The following CNOT1 variants were observed in gnomAD, a reference collection of about 807,000 sequenced individuals.
CNOT1 encodes CCR4-associated factor 1.
Under a neutral mutation model 273.8 loss-of-function variants are expected in CNOT1, and 15 were observed. The ratio of observed to expected loss-of-function variants is 0.05; its 90% CI spans 0.04 to 0.08. The LOEUF (loss-of-function observed/expected upper bound fraction) is 0.08, where lower values mean the gene tolerates loss of function less well. Among genes scored for constraint, CNOT1 ranks in the 10% least tolerant of loss-of-function variants. The pLI is 1.00. For synonymous variants in CNOT1, 1,022 were observed against 1,005.5 expected (o/e 1.02, Z -0.31); for missense variants, 1,644 against 2,912.2 (o/e 0.56, Z 10.02).
In CNOT1 at chr16:58,621,893, GGAAA is replaced by G. The variant is rs761518461; in HGVS notation, c.-175+7831_-175+7834del. 2.5e-4 allele frequency among the ~76,000 whole-genome samples: 32 copies of G among 128,126 alleles called. No individual in the cohort carries two copies. In the East Asian group the frequency reaches 3.8e-3, roughly 15 times the overall value. The allele number at this position is 128,126 out of a possible 152,430, so 84.1% of individuals were successfully genotyped here. ...ACCACTGCACTCCAGCCTGGGCGAC[GGAAA>G]GAGACTCCGTCTCAAAAAAAAAAAA... is the stretch of plus-strand genomic sequence containing the variant. On this transcript the variant is annotated intron_variant, in intron 1 of 48. Transcript: ENST00000317147.
Position 58,553,797 on chromosome 16 carries a change from T to C in CNOT1, c.2955A>G (p.Pro985=), listed in dbSNP as rs1366330143. The change falls in exon 22 of 49, where the codon CCA becomes CCG. Residue 985 remains proline, a synonymous_variant. Coordinates refer to ENST00000317147, the MANE Select transcript of CNOT1 (RefSeq NM_016284.5). ...LASISHFMQF[P]HHLQEYIEYG... ...GGGCACTTACCTCCTGTAAATGATG[T>C]GGAAATTGCATAAAGTGACTGATAG... 6.2e-7 allele frequency: 1 copy of C among 1,611,870 alleles called. No individual in the cohort carries two copies. The highest frequency in any genetic ancestry group is 8.5e-7 in the Non-Finnish European group (1 of 1,179,434).
At chr16:58,589,220 A>G (rs763740635) in intron 2 of CNOT1, among the ~76,000 whole-genome samples, 10 of 152,118 alleles carry the variant, frequency 6.6e-5, no homozygotes, top group Middle Eastern at 3.2e-3. Context: ...ATATTATAAA[A>G]ATGTTTCCTG....
chr16:58,592,547 C>T (rs1332489865), intron 2 of CNOT1, among the ~76,000 whole-genome samples: 1 of 152,042 alleles, frequency 6.6e-6, no homozygotes, highest in Non-Finnish European at 1.5e-5. Context: ...CTGTGAACAG[C>T]CACTGCATTC....
At position 58,538,490 on chromosome 16, in the gene CNOT1, T is replaced by C. The variant is rs539391082; in HGVS notation, c.5136-224A>G. Among the ~76,000 whole-genome samples the C allele has an allele frequency of 3.9e-5, 6 of 152,348 alleles. No individual in the cohort carries two copies. In the South Asian group the frequency reaches 6.2e-4, roughly 16 times the overall value. On this transcript the variant is annotated intron_variant, in intron 36 of 48. Coordinates refer to ENST00000317147, the MANE Select transcript of CNOT1 (RefSeq NM_016284.5). ...TCCATTTAAGACATTAAAATACTTA[T>C]ACACGAATACCACTTCTGAGAAATC...
At chr16:58,566,982 A>G (rs897340472) in intron 16 of CNOT1, among the ~76,000 whole-genome samples, 1 of 152,016 alleles carries the variant, frequency 6.6e-6, no homozygotes, top group Admixed American at 6.6e-5. Context: ...TTTCTCTCTA[A>G]TTATAACAGC....
rs1328587138 is a variant in CNOT1 at position 58,581,458 on chromosome 16, T to C, written c.1102A>G (p.Ile368Val). 4 of 1,614,078 alleles carry C rather than the reference T, an allele frequency of 2.5e-6. No individual in the cohort carries two copies. Among genetic ancestry groups the C allele is most frequent in the African/African-American group, 1.3e-5 (1 of 75,056 alleles). Reference protein sequence around the residue: ...TYELDHPGFQIRDSKGLHNVV... With the variant: ...TYELDHPGFQVRDSKGLHNVV... The stretch of plus-strand genomic sequence containing the variant: ...TTATGAAGTCCTTTACTGTCACGAA[T>C]TTGAAATCCAGGATGGTCCAGTTCA... The change falls in exon 11 of 49, where the codon ATT becomes GTT. Residue 368 changes from isoleucine to valine, a missense_variant. Ile to Val is a conservative substitution (Grantham distance 29). Transcript: ENST00000317147.
intron 1 of CNOT1, among the ~76,000 whole-genome samples, chr16:58,620,950 T>A (rs1347077856): frequency 6.6e-6 from 1 of 151,992 alleles, no homozygotes; most frequent in Admixed American, 6.6e-5. Flanking sequence ...ATAAAGAAAC[T>A]ATAATGGAGA....
intron 16 of CNOT1, among the ~76,000 whole-genome samples, chr16:58,563,531 C>CT (rs1366421425): frequency 6.6e-6 from 1 of 152,160 alleles, no homozygotes; most frequent in African/African-American, 2.4e-5. Context: ...TACTTATTTA[C>CT]TTTAGAAACA....
chr16:58,579,368 A>G (rs1477454849), intron 12 of CNOT1, among the ~76,000 whole-genome samples: 1 of 152,210 alleles, frequency 6.6e-6, no homozygotes, highest in East Asian at 1.9e-4. Flanking sequence ...GAAATTTTTA[A>G]AAGACATTTT....
chr16:58,522,507 A>G (rs1432493404), intron 47 of CNOT1, among the ~76,000 whole-genome samples: 3 of 76,582 alleles, frequency 3.9e-5, no homozygotes, highest in African/African-American at 8.0e-5. Context: ...ACCATAGGTG[A>G]CTAATTAGGC....
intron 1 of CNOT1, among the ~76,000 whole-genome samples, chr16:58,603,762 CTT>C (rs2042564697): frequency 6.6e-6 from 1 of 152,080 alleles, no homozygotes; most frequent in African/African-American, 2.4e-5. Flanking sequence ...CTCTTTAAGT[CTT>C]TACTCAAACA....
At chr16:58,594,399 A>C (rs113113593) in intron 2 of CNOT1, among the ~76,000 whole-genome samples, 6 of 152,356 alleles carry the variant, frequency 3.9e-5, no homozygotes, top group African/African-American at 1.4e-4. Flanking sequence ...AGTGACCGCA[A>C]ATGAACCCAG....
chr16:58,609,850 T>C (rs944125509), intron 1 of CNOT1, among the ~76,000 whole-genome samples: 2 of 150,282 alleles, frequency 1.3e-5, no homozygotes, highest in East Asian at 1.9e-4. Flanking sequence ...GTGATATATA[T>C]ATATATCATA....
intron 16 of CNOT1, among the ~76,000 whole-genome samples, chr16:58,562,549 C>T (rs937399602): frequency 1.4e-5 from 2 of 147,516 alleles, no homozygotes; most frequent in African/African-American, 2.5e-5. Flanking sequence ...GGCGGCCAGG[C>T]ACGGTGGCTC....
chr16:58,558,329 C>T, intron 18 of CNOT1, 144 bp downstream of exon 18: 4 of 1,387,278 alleles, frequency 2.9e-6, no homozygotes, highest in South Asian at 2.8e-5. Flanking sequence ...TTTTCTTTTC[C>T]CAACTTTGGA....
chr16:58,536,872 T>A, intron 39 of CNOT1, 117 bp downstream of exon 39: 1 of 1,443,464 alleles, frequency 6.9e-7, no homozygotes, highest in Non-Finnish European at 9.2e-7. Flanking sequence ...AGTTTGGGTT[T>A]GCATGAGTAT....
At chr16:58,553,542 TAA>T (rs1354159299) in intron 22 of CNOT1, among the ~76,000 whole-genome samples, 6 of 152,074 alleles carry the variant, frequency 3.9e-5, no homozygotes, top group Non-Finnish European at 8.8e-5. Flanking sequence ...AAAGAATGAG[TAA>T]AAAGTTTTTG....
At chr16:58,591,476 G>A (rs892163889) in intron 2 of CNOT1, among the ~76,000 whole-genome samples, 9 of 152,096 alleles carry the variant, frequency 5.9e-5, no homozygotes, top group East Asian at 1.9e-4. Flanking sequence ...ACTATGCGCC[G>A]GACTCGGAGG....
At position 58,593,939 on chromosome 16, in the gene CNOT1, A is replaced by T. The variant is rs986746479; in HGVS notation, c.103-5033T>A. 8.5e-5 allele frequency among the ~76,000 whole-genome samples: 13 copies of T among 152,324 alleles called. No individual in the cohort carries two copies. In the South Asian group the frequency reaches 2.1e-3, roughly 24 times the overall value. On this transcript the variant is annotated intron_variant, in intron 2 of 48. Transcript: ENST00000317147. The stretch of plus-strand genomic sequence containing the variant: ...ATACAGATGAATCCTACTTGAAAAC[A>T]TTATATTAAATGAAAAAAGGCAAGG...
Sources: gnomAD v4.1 joint callset for allele counts (sites outside exome capture counted in the v4.1 genomes callset) on GRCh38, gnomAD v4.1.1 for gene constraint, MANE v1.5 for transcripts, NCBI Gene and HGNC (gene_info 2026-07-23, HGNC 2026-07-21) for gene names.